The following IL4R variants were observed in gnomAD, a reference collection of about 807,000 sequenced individuals.
IL4R encodes interleukin 4 receptor.
IL4R carries 17 observed loss-of-function variants against 41.5 expected under a neutral mutation model. That is an observed-to-expected ratio of 0.41 (90% CI 0.28 to 0.61). The LOEUF (loss-of-function observed/expected upper bound fraction) is 0.61, where lower values mean the gene tolerates loss of function less well. IL4R is among the 20% of genes least tolerant of loss of function. The probability of loss-of-function intolerance (pLI) is 0.31; values close to 1 mark genes in which losing one functional copy is unlikely to be tolerated. For missense variants in IL4R, 974 were observed against 1,043.1 expected, an observed-to-expected ratio of 0.93 and a Z score of 0.91; for synonymous variants, 402 against 422.9, an observed-to-expected ratio of 0.95 and a Z score of 0.61.
At chr16:27,354,830 G>A (rs1319070161) in intron 7 of IL4R, among the ~76,000 whole-genome samples, 1 of 152,222 alleles carries the variant, frequency 6.6e-6, no homozygotes, top group African/African-American at 2.4e-5. Flanking sequence ...TATCAGTTGA[G>A]CCACGTGTCT....
intron 2 of IL4R, among the ~76,000 whole-genome samples, chr16:27,332,801 A>G (rs996203835): frequency 4.6e-5 from 7 of 151,906 alleles, no homozygotes; most frequent in African/African-American, 1.4e-4. Flanking sequence ...ATATACATTC[A>G]ATAATATAAA....
At chr16:27,352,399 T>C in intron 6 of IL4R, 141 bp from the exon 7 acceptor site, 1 of 640,986 alleles carries the variant, frequency 1.6e-6, no homozygotes. Context: ...TGGCAAGCAA[T>C]GGCCTGAACA....
At chr16:27,340,354 G>A (rs35365668) in intron 3 of IL4R, 81 bp downstream of exon 3, 22,251 of 1,038,232 alleles carry the variant, frequency 0.021, 324 homozygotes, top group Middle Eastern at 0.072. Context: ...CTGGCCTTAT[G>A]GAGATTACAC....
chr16:27,352,794 A>C, intron 7 of IL4R, 98 bp downstream of exon 7: 2 of 1,246,790 alleles, frequency 1.6e-6, no homozygotes, highest in Non-Finnish European at 2.3e-6. Context: ...CTTTTATATC[A>C]TAGGATGCCT....
chr16:27,332,287 A>G (rs932604216), intron 2 of IL4R, among the ~76,000 whole-genome samples: 3 of 152,162 alleles, frequency 2.0e-5, no homozygotes, highest in African/African-American at 7.2e-5. Flanking sequence ...CATGGCGGAA[A>G]GGGAAGCAAA....
At chr16:27,317,859 G>A (rs1448879588) in intron 1 of IL4R, among the ~76,000 whole-genome samples, 2 of 152,218 alleles carry the variant, frequency 1.3e-5, no homozygotes, top group Non-Finnish European at 1.5e-5. Context: ...AAGGCGCTCA[G>A]TGATTGCTGT....
chr16:27,363,101 G>T lies in IL4R; in HGVS notation c.1749G>T (p.Glu583Asp). The T allele has an allele frequency of 6.2e-7, 1 of 1,614,096 alleles. No individual in the cohort carries two copies. The highest frequency in any genetic ancestry group is 1.1e-5 in the South Asian group (1 of 91,080). The change falls in exon 11 of 11, where the codon GAG becomes GAT. Residue 583 changes from glutamate (E) to aspartate (D), a missense_variant. This residue lies in a region of IL4R where 682 missense variants were observed against 704.3 expected (regional missense o/e 0.97). Transcript: ENST00000395762. ...SGYQEFVHAV[E>D]QGGTQASAVV... is the part of the protein sequence containing the mutation. ...ATCAGGAGTTTGTACATGCGGTGGA[G>T]CAGGGTGGCACCCAGGCCAGTGCGG...
Position 27,363,294 on chromosome 16 carries a change from G to C in IL4R, c.1942G>C (p.Val648Leu), listed in dbSNP as rs939316091. ...TGGCTGCCCTGGGGACCCTGCCCCAGTCCCTGTCCCCTTGTTCACCTTTGG... is the reference window on the plus strand; with the variant it reads ...TGGCTGCCCTGGGGACCCTGCCCCACTCCCTGTCCCCTTGTTCACCTTTGG... Reference protein sequence around the residue: ...IPGCPGDPAPVPVPLFTFGLD... With the variant: ...IPGCPGDPAPLPVPLFTFGLD... The change falls in exon 11 of 11, where the codon GTC becomes CTC. Residue 648 changes from valine to leucine, a missense_variant. By Grantham distance (32) the Val-to-Leu change is conservative. Transcript: ENST00000395762. 6.2e-7 allele frequency: 1 copy of C among 1,607,414 alleles called. No individual in the cohort carries two copies. Among genetic ancestry groups the C allele is most frequent in the Admixed American group, 1.7e-5 (1 of 59,576 alleles).
intron 1 of IL4R, among the ~76,000 whole-genome samples, chr16:27,327,591 C>T (rs1279728732): frequency 1.3e-5 from 2 of 152,066 alleles, no homozygotes; most frequent in African/African-American, 2.4e-5. Flanking sequence ...CAATGGGTCT[C>T]AGGCCAGTGG....
intron 8 of IL4R, among the ~76,000 whole-genome samples, 171 bp from the exon 9 acceptor site, chr16:27,358,739 TTAGCAA>T (rs2086181558): frequency 6.6e-6 from 1 of 152,140 alleles, no homozygotes; most frequent in South Asian, 2.1e-4. Flanking sequence ...TAGAATAGGG[TTAGCAA>T]TAGAATCCAT....
intron 1 of IL4R, among the ~76,000 whole-genome samples, chr16:27,322,467 G>A (rs900998339): frequency 1.3e-5 from 2 of 152,082 alleles, no homozygotes; most frequent in African/African-American, 2.4e-5. Flanking sequence ...ATGAGCCACC[G>A]CAGCTGGCTG....
chr16:27,336,398 C>T (rs746303037), intron 2 of IL4R, among the ~76,000 whole-genome samples: 8 of 151,906 alleles, frequency 5.3e-5, no homozygotes, highest in South Asian at 4.2e-4. Flanking sequence ...GAGGAAGGGC[C>T]GGGTACAGTG....
chr16:27,362,785 G>C lies in IL4R; in HGVS notation c.1433G>C (p.Ser478Thr). Residue 478 changes from serine to threonine, a missense_variant, in exon 11 of 11, where the codon AGT becomes ACT. This residue lies in a region of IL4R where 682 missense variants were observed against 704.3 expected (regional missense o/e 0.97). Coordinates refer to ENST00000395762, the MANE Select transcript of IL4R (RefSeq NM_000418.4). Reference sequence around the variant, plus strand: ...AGTCCTCCTGCCAGCCCGACCCAGAGTCCAGACAACCTGACTTGCACAGAG... The same window carrying C: ...AGTCCTCCTGCCAGCCCGACCCAGACTCCAGACAACCTGACTTGCACAGAG... ...EPSPPASPTQSPDNLTCTETP... is the reference protein window; with the variant it reads ...EPSPPASPTQTPDNLTCTETP... 1 of 1,614,172 alleles carries C rather than the reference G, an allele frequency of 6.2e-7. No homozygotes were observed. The highest frequency in any genetic ancestry group is 8.5e-7 in the Non-Finnish European group (1 of 1,180,038).
rs546882585 is a variant in IL4R, at chr16:27,342,554, T to G, written c.209+295T>G. On this transcript the variant is annotated intron_variant, in intron 4 of 10. Coordinates refer to ENST00000395762, the MANE Select transcript of IL4R (RefSeq NM_000418.4). ...ACCCTTTTTCACACTTAAAAATGAG[T>G]GAGGACCCAAAGGGCTTTGGTGTAG... Among the ~76,000 whole-genome samples, 15 of 152,136 alleles carry G rather than the reference T, an allele frequency of 9.9e-5. No individual in the cohort carries two copies. The South Asian group carries it at 1.2e-3, about 13-fold the overall frequency.
At chr16:27,352,472 C>T in intron 6 of IL4R, 68 bp from the exon 7 acceptor site, 1 of 1,406,464 alleles carries the variant, frequency 7.1e-7, no homozygotes, top group Non-Finnish European at 1.0e-6. Context: ...CTAACGACAG[C>T]AACCAGGGTG....
intron 9 of IL4R, 83 bp downstream of exon 9, chr16:27,359,077 T>C: frequency 2.0e-6 from 2 of 1,023,416 alleles, no homozygotes; most frequent in Non-Finnish European, 3.0e-6. Flanking sequence ...TTAAGGACCT[T>C]CACTGGCTTC....
chr16:27,331,562 T>TAAAGACTTTCTAGGC (rs2085112553), intron 2 of IL4R, among the ~76,000 whole-genome samples: 1 of 152,062 alleles, frequency 6.6e-6, no homozygotes, highest in South Asian at 2.1e-4. Context: ...GCTTTCCAGG[T>TAAAGACTTTCTAGGC]AAAGACTTTC....
At chr16:27,322,287 T>C (rs2084836892) in intron 1 of IL4R, among the ~76,000 whole-genome samples, 1 of 152,132 alleles carries the variant, frequency 6.6e-6, no homozygotes, top group Non-Finnish European at 1.5e-5. Context: ...TTTTGGTGAA[T>C]TGTTGCATTT....
Position 27,355,921 on chromosome 16 carries a change from C to A in IL4R, c.770+14C>A. 1 of 1,589,820 alleles carries A rather than the reference C, an allele frequency of 6.3e-7. No homozygotes were observed. Among genetic ancestry groups the A allele is most frequent in the Non-Finnish European group, 8.6e-7 (1 of 1,159,428 alleles). Reference sequence around the variant, plus strand: ...CAGCATCACCAAGTGAGTCCTGGGCCCAGTGCTGCCGAGCAGTCCCTCTGG... The same window carrying A: ...CAGCATCACCAAGTGAGTCCTGGGCACAGTGCTGCCGAGCAGTCCCTCTGG... On this transcript the variant is annotated intron_variant, in intron 8 of 10. Transcript: ENST00000395762.
Sources: gnomAD v4.1 joint callset for allele counts (sites outside exome capture counted in the v4.1 genomes callset) on GRCh38, gnomAD v4.1.1 for gene constraint, gnomAD v4.1.1 regional missense constraint, MANE v1.5 for transcripts, NCBI Gene and HGNC (gene_info 2026-07-23, HGNC 2026-07-21) for gene names.